MLIP: variants seen among roughly 807,000 people sequenced by gnomAD.
MLIP encodes the protein muscular LMNA interacting protein.
Under a neutral mutation model 84.8 loss-of-function variants are expected in MLIP, and 79 were observed. That is an observed-to-expected ratio of 0.93 (90% CI 0.78 to 1.12). The LOEUF (loss-of-function observed/expected upper bound fraction) is 1.12, where lower values mean the gene tolerates loss of function less well. MLIP is among the 50% of genes most tolerant of loss of function. The probability of loss-of-function intolerance (pLI) is 0.00; values close to 1 mark genes in which losing one functional copy is unlikely to be tolerated. For missense variants in MLIP, 1,257 were observed against 1,160.6 expected, an observed-to-expected ratio of 1.08 and a Z score of -1.21; for synonymous variants, 504 against 463.0, an observed-to-expected ratio of 1.09 and a Z score of -1.14.
chr6:54,102,665 C>T (rs1256467033), intron 1 of MLIP, among the ~76,000 whole-genome samples: 3 of 152,174 alleles, frequency 2.0e-5, no homozygotes, highest in African/African-American at 7.2e-5. Context: ...CCTGTCCTCT[C>T]TGAATCTTCC....
intron 1 of MLIP, among the ~76,000 whole-genome samples, chr6:54,028,161 A>G (rs1763925894): frequency 6.6e-6 from 1 of 152,174 alleles, no homozygotes; most frequent in South Asian, 2.1e-4. Flanking sequence ...TTTGTAGTTC[A>G]ATTGCTGGTC....
chr6:54,103,593 T>G (rs772648229), intron 1 of MLIP, among the ~76,000 whole-genome samples: 14 of 152,194 alleles, frequency 9.2e-5, no homozygotes, highest in Non-Finnish European at 1.9e-4. Context: ...GCTCTACTCC[T>G]GTGTTCCTCT....
intron 12 of MLIP, among the ~76,000 whole-genome samples, chr6:54,248,130 G>C (rs557471708): frequency 6.6e-6 from 1 of 151,806 alleles, no homozygotes; most frequent in African/African-American, 2.4e-5. Context: ...TGTCACACTG[G>C]AATAAGAGGT....
chr6:54,152,045 T>A (rs1773505162), intron 5 of MLIP, among the ~76,000 whole-genome samples: 2 of 152,158 alleles, frequency 1.3e-5, no homozygotes, highest in Admixed American at 1.3e-4. Context: ...ATTCTATCAT[T>A]TTTCCCCTGT....
intron 8 of MLIP, among the ~76,000 whole-genome samples, chr6:54,161,604 C>T (rs1244234634): frequency 1.3e-5 from 2 of 151,368 alleles, no homozygotes; most frequent in Non-Finnish European, 3.0e-5. Context: ...TACTTTTTTC[C>T]TGTCCTTTCT....
intron 8 of MLIP, among the ~76,000 whole-genome samples, chr6:54,166,715 C>A (rs984506647): frequency 7.2e-5 from 11 of 151,828 alleles, no homozygotes; most frequent in African/African-American, 2.4e-4. Context: ...GTGATCTCAC[C>A]CTGTTTTATG....
At chr6:54,070,917 A>G (rs1032548851) in intron 1 of MLIP, among the ~76,000 whole-genome samples, 38 of 152,318 alleles carry the variant, frequency 2.5e-4, no homozygotes, top group African/African-American at 8.4e-4. Flanking sequence ...TTGATTGATT[A>G]TATTCATAAT....
At chr6:54,087,184 T>C (rs1767550719) in intron 1 of MLIP, among the ~76,000 whole-genome samples, 2 of 152,310 alleles carry the variant, frequency 1.3e-5, no homozygotes, top group African/African-American at 2.4e-5. Context: ...GAATGGTTTC[T>C]GGAAGTCTAT....
rs1771838704 is a variant in MLIP, at chr6:54,136,838, G to T, written c.769G>T (p.Glu257Ter). 6.5e-7 allele frequency: 1 copy of T among 1,534,892 alleles called. No individual in the cohort carries two copies. Among genetic ancestry groups the T allele is most frequent in the African/African-American group, 1.4e-5 (1 of 72,998 alleles). Residue 257 changes from glutamate to a stop codon, truncating the protein, a stop_gained, in exon 4 of 14, where the codon GAG (glutamate) becomes TAG (stop). Coordinates refer to ENST00000502396, the MANE Select transcript of MLIP (RefSeq NM_001281747.2). LOFTEE classifies it high-confidence loss of function. ...TAACCTCGAGGGAGCCTCTGTCCTA[G>T]AGGAGTTCCACACTAGGAGGCTGGA... ...PVNLEGASVL[E>*]EFHTRRLDVG... is the part of the protein sequence containing the mutation.
intron 1 of MLIP, among the ~76,000 whole-genome samples, chr6:54,057,505 T>C (rs73434393): frequency 0.15 from 22,245 of 152,222 alleles, 1,971 homozygotes; most frequent in African/African-American, 0.23. Flanking sequence ...TCAGGGGGAA[T>C]AGTAGTTGCT....
chr6:54,262,526 T>G (rs1396350613), intron 13 of MLIP, among the ~76,000 whole-genome samples: 1 of 152,058 alleles, frequency 6.6e-6, no homozygotes, highest in African/African-American at 2.4e-5. Flanking sequence ...TAAAGTAAAC[T>G]TCTCATATCT....
intron 1 of MLIP, among the ~76,000 whole-genome samples, chr6:54,078,562 C>A (rs1298828338): frequency 6.6e-6 from 1 of 151,990 alleles, no homozygotes; most frequent in Admixed American, 6.6e-5. Flanking sequence ...CCAGCCTGGG[C>A]AACAGAGAGA....
At chr6:54,216,435 T>C (rs1779859419) in intron 11 of MLIP, 2 of 985,122 alleles carry the variant, frequency 2.0e-6, no homozygotes, top group African/African-American at 1.7e-5. Context: ...CTGCTCACTG[T>C]GATTGATTAT....
chr6:54,209,702 G>A (rs1382139561), intron 11 of MLIP, among the ~76,000 whole-genome samples: 4 of 152,046 alleles, frequency 2.6e-5, no homozygotes, highest in Non-Finnish European at 4.4e-5. Context: ...AACCTTTAGA[G>A]GGAAGATCCT....
intron 8 of MLIP, among the ~76,000 whole-genome samples, chr6:54,161,296 T>C (rs970423592): frequency 3.3e-5 from 5 of 151,922 alleles, no homozygotes; most frequent in African/African-American, 1.2e-4. Flanking sequence ...TTTTTGCTGA[T>C]TGAATCTATT....
rs1771935138 is a variant in MLIP, at chr6:54,137,665, G to A, written c.1596G>A (p.Lys532=). 2.0e-6 allele frequency: 3 copies of A among 1,536,072 alleles called. No individual in the cohort carries two copies. The highest frequency in any genetic ancestry group is 2.4e-5 in the East Asian group (1 of 40,900). Residue 532 remains lysine (K), a synonymous_variant, in exon 4 of 14, where the codon AAG becomes AAA. Coordinates refer to ENST00000502396, the MANE Select transcript of MLIP (RefSeq NM_001281747.2). ...AGAGAACACCATCACCTACTTTGAA[G>A]AGCAATACCATGCTCTCCCTGCTAC... ...NVERTPSPTL[K]SNTMLSLLQT... is the part of the protein sequence containing the mutation.
upstream of MLIP, chr6:54,111,290 C>G (rs978383537): frequency 3.1e-6 from 3 of 970,940 alleles, no homozygotes; most frequent in African/African-American, 5.0e-5. Flanking sequence ...TCATAATGTT[C>G]CAAATCTAAA....
At chr6:54,167,169 A>C (rs1162726197) in intron 8 of MLIP, among the ~76,000 whole-genome samples, 8 of 151,870 alleles carry the variant, frequency 5.3e-5, no homozygotes, top group African/African-American at 1.9e-4. Context: ...AACGCAGAAA[A>C]CCTTTTAAAG....
Position 54,160,680 on chromosome 6 carries a change from A to T in MLIP, c.2440-60A>T, listed in dbSNP as rs546553459. The T allele has an allele frequency of 3.3e-6, 5 of 1,505,106 alleles. No individual in the cohort carries two copies. The Admixed American group carries it at 6.8e-5, about 20-fold the overall frequency. The allele number at this position is 1,505,106 out of a possible 1,614,324, so 93.2% of individuals were successfully genotyped here. ...TTCCTCTACTTTAGTATGATGCCTCACAGGCTTGTCCTTTTCTTTCCTTTT... is the reference window on the plus strand; with the variant it reads ...TTCCTCTACTTTAGTATGATGCCTCTCAGGCTTGTCCTTTTCTTTCCTTTT... On this transcript the variant is annotated intron_variant, in intron 7 of 13. Transcript: ENST00000502396.
Sources: allele counts gnomAD v4.1 joint callset (sites outside exome capture counted in the v4.1 genomes callset), GRCh38; gene constraint gnomAD v4.1.1; transcripts MANE v1.5; gene names NCBI Gene and HGNC (gene_info 2026-07-23, HGNC 2026-07-21).